Variants in EXOC4 observed in about 807,000 individuals in gnomAD.
The protein encoded by EXOC4 is exocyst complex component 4.
EXOC4 carries 71 observed loss-of-function variants against 107.2 expected under a neutral mutation model. That is an observed-to-expected ratio of 0.66 (90% CI 0.55 to 0.81). The LOEUF (loss-of-function observed/expected upper bound fraction) is 0.81, where lower values mean the gene tolerates loss of function less well. Among genes scored for constraint, EXOC4 ranks in the 30% least tolerant of loss-of-function variants. EXOC4 has a pLI of 0.00. For synonymous variants in EXOC4, 456 were observed against 441.2 expected (o/e 1.03, Z -0.42); for missense variants, 1,108 against 1,189.6 (o/e 0.93, Z 1.01).
intron 10 of EXOC4, among the ~76,000 whole-genome samples, chr7:133,705,221 G>C (rs945145143): frequency 1.1e-4 from 16 of 152,106 alleles, no homozygotes; most frequent in East Asian, 7.8e-4. Context: ...ACAAAAATTA[G>C]CCAGGTGTGG....
At chr7:133,371,507 A>G (rs184956095) in intron 6 of EXOC4, among the ~76,000 whole-genome samples, 2 of 152,108 alleles carry the variant, frequency 1.3e-5, no homozygotes, top group East Asian at 3.9e-4. Context: ...GTCTTCTGTG[A>G]CCTTTTTTCA....
At chr7:133,769,796 G>A (rs1796209662) in intron 10 of EXOC4, among the ~76,000 whole-genome samples, 1 of 151,724 alleles carries the variant, frequency 6.6e-6, no homozygotes, top group South Asian at 2.1e-4. Context: ...GCCAATTTTT[G>A]TTGAGAATTA....
At chr7:134,052,785 G>A (rs1031310229) in intron 17 of EXOC4, among the ~76,000 whole-genome samples, 1 of 152,168 alleles carries the variant, frequency 6.6e-6, no homozygotes, top group Non-Finnish European at 1.5e-5. Context: ...TGGGATTCAT[G>A]CCTAAATCTG....
intron 11 of EXOC4, among the ~76,000 whole-genome samples, chr7:133,864,386 G>T (rs548030139): frequency 2.6e-5 from 4 of 152,274 alleles, no homozygotes; most frequent in African/African-American, 9.6e-5. Context: ...GACTAACTCT[G>T]ATTTTGTGTT....
chr7:133,745,573 G>C (rs974291499), intron 10 of EXOC4, among the ~76,000 whole-genome samples: 4 of 151,924 alleles, frequency 2.6e-5, no homozygotes, highest in African/African-American at 9.7e-5. Context: ...GTTCATGAGA[G>C]AACTTTAAGA....
At chr7:133,866,885 G>A (rs941857324) in intron 11 of EXOC4, among the ~76,000 whole-genome samples, 2 of 152,216 alleles carry the variant, frequency 1.3e-5, no homozygotes, top group African/African-American at 2.4e-5. Flanking sequence ...TATAAGAGTT[G>A]TGCAGCTTTC....
chr7:133,272,387 A>G (rs887468211), intron 1 of EXOC4, among the ~76,000 whole-genome samples: 1 of 152,086 alleles, frequency 6.6e-6, no homozygotes, highest in African/African-American at 2.4e-5. Flanking sequence ...AATTAATTCA[A>G]CGTCTTTAAA....
At chr7:133,344,923 C>T (rs999071353) in intron 5 of EXOC4, among the ~76,000 whole-genome samples, 4 of 152,092 alleles carry the variant, frequency 2.6e-5, no homozygotes, top group African/African-American at 7.2e-5. Context: ...GATTAGGTGT[C>T]TTTTTCTTAT....
At chr7:133,275,445 CT>C (rs1205350274) in intron 2 of EXOC4, among the ~76,000 whole-genome samples, 2 of 152,174 alleles carry the variant, frequency 1.3e-5, no homozygotes, top group African/African-American at 4.8e-5. Flanking sequence ...CCTCCATTTG[CT>C]TGTGTCTTAC....
chr7:133,975,402 A>G (rs1177777282), intron 14 of EXOC4, among the ~76,000 whole-genome samples: 1 of 152,144 alleles, frequency 6.6e-6, no homozygotes, highest in East Asian at 1.9e-4. Flanking sequence ...AAACACTTGG[A>G]GACTCAACAT....
intron 1 of EXOC4, among the ~76,000 whole-genome samples, chr7:133,261,263 G>GT (rs767325700): frequency 0.012 from 1,708 of 139,518 alleles, 10 homozygotes; most frequent in African/African-American, 0.022. Context: ...ATGCCTTGTA[G>GT]TTTTTTTTTT....
At chr7:134,028,058 T>C (rs1795182925) in intron 17 of EXOC4, among the ~76,000 whole-genome samples, 2 of 152,212 alleles carry the variant, frequency 1.3e-5, no homozygotes, top group South Asian at 2.1e-4. Flanking sequence ...AGGGCAACGA[T>C]AGGCAACCCA....
chr7:134,064,369 G>A lies in EXOC4; in HGVS notation c.2766G>A (p.Glu922=), dbSNP rs141613938. The A allele has an allele frequency of 2.4e-4, 375 of 1,577,096 alleles. 1 individual carries two copies. The African/African-American group carries it at 4.8e-3, about 20-fold the overall frequency. ...LVVDQGVKYT[E]LEYIHALTLL... ...TGGACCAGGGTGTGAAGTACACGGA[G>A]CTGGAGTACATCCACGCTCTGACCC... Residue 922 remains glutamate (E), a synonymous_variant, in exon 18 of 18, where the codon GAG becomes GAA. Coordinates refer to ENST00000253861, the MANE Select transcript of EXOC4 (RefSeq NM_021807.4).
At chr7:133,504,343 AG>A (rs1165463450) in intron 9 of EXOC4, among the ~76,000 whole-genome samples, 1 of 152,148 alleles carries the variant, frequency 6.6e-6, no homozygotes, top group Non-Finnish European at 1.5e-5. Flanking sequence ...AAAACAGAAA[AG>A]CAAAGCTATT....
At chr7:133,452,127 C>T (rs1422697452) in intron 7 of EXOC4, among the ~76,000 whole-genome samples, 1 of 151,986 alleles carries the variant, frequency 6.6e-6, no homozygotes, top group East Asian at 1.9e-4. Context: ...CTGTGAATTG[C>T]TAAGAGTCCA....
chr7:133,260,905 A>C (rs1385515482), intron 1 of EXOC4, among the ~76,000 whole-genome samples: 1 of 152,148 alleles, frequency 6.6e-6, no homozygotes, highest in East Asian at 1.9e-4. Context: ...GATGTTCATT[A>C]AAAAATGCAT....
Position 133,651,449 on chromosome 7 carries a change from T to A in EXOC4, c.1514+21308T>A, listed in dbSNP as rs188114212. Among the ~76,000 whole-genome samples the A allele has an allele frequency of 1.1e-3, 174 of 152,326 alleles. 1 individual carries two copies. The highest frequency in any genetic ancestry group is 4.1e-3 in the African/African-American group (172 of 41,572). Reference sequence around the variant, plus strand: ...GAACATTTTCTGAAAAACATCATGATTCATTAGTATGAAAAATTATCACAT... The same window carrying A: ...GAACATTTTCTGAAAAACATCATGAATCATTAGTATGAAAAATTATCACAT... On this transcript the variant is annotated intron_variant, in intron 10 of 17. Transcript: ENST00000253861.
intron 4 of EXOC4, among the ~76,000 whole-genome samples, chr7:133,313,424 A>G (rs781730235): frequency 2.0e-5 from 3 of 152,200 alleles, no homozygotes; most frequent in Non-Finnish European, 2.9e-5. Context: ...ACAAAATTTT[A>G]TGAGCACTTG....
chr7:133,588,932 G>T (rs1801474334), intron 9 of EXOC4, among the ~76,000 whole-genome samples: 1 of 151,376 alleles, frequency 6.6e-6, no homozygotes. Context: ...GTGTATATGT[G>T]TGTGTGTATG....
Sources: gnomAD v4.1 joint callset for allele counts (sites outside exome capture counted in the v4.1 genomes callset) on GRCh38, gnomAD v4.1.1 for gene constraint, MANE v1.5 for transcripts, NCBI Gene and HGNC (gene_info 2026-07-23, HGNC 2026-07-21) for gene names.